Variants in MALRD1 observed in about 807,000 individuals in gnomAD.
MALRD1 encodes the protein MAM and LDL receptor class A domain containing 1.
MALRD1 carries 247 observed loss-of-function variants against 242.1 expected under a neutral mutation model. That is an observed-to-expected ratio of 1.02 (90% CI 0.92 to 1.13). The LOEUF is 1.13. MALRD1 is among the 50% of genes most tolerant of loss of function. The pLI is 0.00. For synonymous variants in MALRD1, 995 were observed against 866.6 expected (o/e 1.15, Z -2.60); for missense variants, 2,989 against 2,533.1 (o/e 1.18, Z -3.86).
chr10:19,330,305 C>T (rs1843307121), intron 23 of MALRD1, among the ~76,000 whole-genome samples: 1 of 151,150 alleles, frequency 6.6e-6, no homozygotes, highest in African/African-American at 2.4e-5. Context: ...GAGGAGAACA[C>T]CTAGGTTCAC....
intron 29 of MALRD1, among the ~76,000 whole-genome samples, chr10:19,469,513 C>T (rs879440638): frequency 3.3e-5 from 5 of 152,130 alleles, no homozygotes; most frequent in Admixed American, 3.3e-4. Flanking sequence ...AAGCACAGAG[C>T]TGTGACTCAT....
At chr10:19,605,410 T>A (rs887789296) in intron 34 of MALRD1, among the ~76,000 whole-genome samples, 1 of 151,330 alleles carries the variant, frequency 6.6e-6, no homozygotes, top group African/African-American at 2.4e-5. Flanking sequence ...TCATGTGATC[T>A]GCCCACCTCG....
chr10:19,327,902 A>T (rs1255024728), intron 23 of MALRD1, among the ~76,000 whole-genome samples: 2 of 152,084 alleles, frequency 1.3e-5, no homozygotes, highest in East Asian at 3.9e-4. Context: ...AGGAACATTT[A>T]ATTTGAATAA....
rs566286750 is a variant in MALRD1, at chr10:19,310,368, A to T, written c.3420-13581A>T. The stretch of plus-strand genomic sequence containing the variant: ...AAAGGACAATTGAAGGGATAACTAT[A>T]TTTAAACGCTGAATTGTGATACATT... On this transcript the variant is annotated intron_variant, in intron 21 of 39. Coordinates refer to ENST00000454679, the MANE Select transcript of MALRD1 (RefSeq NM_001142308.3). Among the ~76,000 whole-genome samples, 22 of 151,632 alleles carry T rather than the reference A, an allele frequency of 1.5e-4. No homozygotes were observed. In the South Asian group the frequency reaches 4.1e-3, roughly 29 times the overall value.
intron 32 of MALRD1, among the ~76,000 whole-genome samples, chr10:19,542,121 G>A (rs1389699016): frequency 6.6e-6 from 1 of 152,160 alleles, no homozygotes; most frequent in Admixed American, 6.5e-5. Flanking sequence ...TTTTAAGACA[G>A]AGGCATGGGA....
chr10:19,434,719 TTA>T (rs2130959457), intron 28 of MALRD1, among the ~76,000 whole-genome samples: 1 of 152,144 alleles, frequency 6.6e-6, no homozygotes, highest in African/African-American at 2.4e-5. Context: ...TGAAATATTT[TTA>T]TGTTCTAGTC....
intron 38 of MALRD1, among the ~76,000 whole-genome samples, chr10:19,719,219 C>CATAAAT: frequency 3.3e-5 from 1 of 30,342 alleles, no homozygotes; most frequent in Non-Finnish European, 8.4e-5. Flanking sequence ...TATACACATA[C>CATAAAT]ATACATATAT....
intron 36 of MALRD1, among the ~76,000 whole-genome samples, chr10:19,649,402 A>T (rs1327017011): frequency 6.6e-6 from 1 of 152,048 alleles, no homozygotes; most frequent in Admixed American, 6.6e-5. Context: ...AGCATCTGTT[A>T]TTTTTTGACT....
intron 15 of MALRD1, 110 bp from the exon 16 acceptor site, chr10:19,204,198 T>C (rs542902179): frequency 1.2e-5 from 9 of 744,268 alleles, no homozygotes; most frequent in South Asian, 5.8e-5. Flanking sequence ...TGTATAATTT[T>C]AATTTCAGTT....
chr10:19,507,992 T>C (rs535554490), intron 31 of MALRD1, among the ~76,000 whole-genome samples: 2 of 152,172 alleles, frequency 1.3e-5, no homozygotes, highest in Admixed American at 1.3e-4. Context: ...TCTGCCATCA[T>C]GTGGCTGACA....
At chr10:19,222,630 G>T (rs1039419388) in intron 18 of MALRD1, among the ~76,000 whole-genome samples, 2 of 152,094 alleles carry the variant, frequency 1.3e-5, no homozygotes, top group African/African-American at 4.8e-5. Flanking sequence ...AAACAAAAAA[G>T]CAGGAGTTTA....
intron 32 of MALRD1, among the ~76,000 whole-genome samples, chr10:19,564,725 A>G (rs184671252): frequency 3.4e-3 from 511 of 152,298 alleles, no homozygotes; most frequent in African/African-American, 0.012. Context: ...GAAACAAATG[A>G]CATTAGAATT....
At chr10:19,175,167 T>C (rs546204148) in intron 13 of MALRD1, 41 bp from the exon 14 acceptor site, 2 of 1,202,906 alleles carry the variant, frequency 1.7e-6, no homozygotes, top group Non-Finnish European at 2.1e-6. Flanking sequence ...ACATTACTTT[T>C]GTGATGTGTT....
intron 19 of MALRD1, among the ~76,000 whole-genome samples, chr10:19,270,104 C>G (rs550612489): frequency 1.3e-5 from 2 of 152,118 alleles, no homozygotes; most frequent in African/African-American, 4.8e-5. Flanking sequence ...CACCTGAGGT[C>G]AGGAGTTTGA....
chr10:19,355,153 TAAGA>T (rs1159047499), intron 26 of MALRD1, among the ~76,000 whole-genome samples: 1 of 152,000 alleles, frequency 6.6e-6, no homozygotes, highest in Non-Finnish European at 1.5e-5. Flanking sequence ...CTGAATGGCA[TAAGA>T]AAGAACAGGG....
At chr10:19,369,227 T>A (rs1038604962) in intron 26 of MALRD1, among the ~76,000 whole-genome samples, 4 of 146,530 alleles carry the variant, frequency 2.7e-5, no homozygotes, top group African/African-American at 9.9e-5. Flanking sequence ...AATTCTTGTA[T>A]ATAAATATAT....
chr10:19,204,267 T>C (rs1836683083), intron 15 of MALRD1, 41 bp from the exon 16 acceptor site: 1 of 1,226,930 alleles, frequency 8.2e-7, no homozygotes, highest in East Asian at 2.6e-5. Flanking sequence ...TAGAATCCAA[T>C]AGGTTAATGA....
At chr10:19,311,453 A>G (rs1393469837) in intron 21 of MALRD1, among the ~76,000 whole-genome samples, 4 of 151,408 alleles carry the variant, frequency 2.6e-5, no homozygotes, top group African/African-American at 9.7e-5. Flanking sequence ...AAATTTTCTA[A>G]CTGAACATTT....
chr10:19,251,741 T>G (rs984660871), intron 18 of MALRD1, among the ~76,000 whole-genome samples: 1 of 152,046 alleles, frequency 6.6e-6, no homozygotes, highest in Admixed American at 6.6e-5. Flanking sequence ...TGATATGGTT[T>G]GACTCTATGT....
Sources: gnomAD v4.1 joint callset for allele counts (sites outside exome capture counted in the v4.1 genomes callset) on GRCh38, gnomAD v4.1.1 for gene constraint, MANE v1.5 for transcripts, NCBI Gene and HGNC (gene_info 2026-07-23, HGNC 2026-07-21) for gene names.